The following YTHDF1 variants were observed in gnomAD, a reference collection of about 807,000 sequenced individuals.
The protein encoded by YTHDF1 is YTH domain-containing family protein 1.
In YTHDF1, 16 loss-of-function variants were observed where a neutral mutation model predicts 49.1. That is an observed-to-expected ratio of 0.33 (90% CI 0.22 to 0.49). The LOEUF is 0.49. Ranked by LOEUF, YTHDF1 falls within the 20% of genes least tolerant of loss-of-function variation. YTHDF1 has a pLI of 0.99. For missense variants in YTHDF1, 621 were observed against 744.3 expected, an observed-to-expected ratio of 0.83 and a Z score of 1.93; for synonymous variants, 313 against 290.1, an observed-to-expected ratio of 1.08 and a Z score of -0.80.
At chr20:63,199,237 C>T (rs1041599085) in intron 4 of YTHDF1, among the ~76,000 whole-genome samples, 2 of 152,168 alleles carry the variant, frequency 1.3e-5, no homozygotes, top group Admixed American at 6.5e-5. Context: ...TGCACTGACT[C>T]GGCCGGGCGC....
chr20:63,202,106 G>A (rs1238611075), intron 4 of YTHDF1, among the ~76,000 whole-genome samples, 181 bp downstream of exon 4: 5 of 152,346 alleles, frequency 3.3e-5, no homozygotes, highest in East Asian at 1.9e-4. Flanking sequence ...AGTACTCTCC[G>A]CAGGGAAAGC....
rs57357558 is a variant in YTHDF1 at position 63,211,960 on chromosome 20, TACACACACACACACACACACAC to T, written c.132+1882_132+1903del. 1.3e-4 allele frequency among the ~76,000 whole-genome samples: 19 copies of T among 143,812 alleles called. No homozygotes were observed. The South Asian group carries it at 1.6e-3, about 12-fold the overall frequency. 94.3% of individuals were successfully genotyped at this position (143,812 alleles called of 152,430 possible). A position where few individuals can be genotyped will look rare whatever the true frequency, so the allele number is the denominator to read the frequency against. On this transcript the variant is annotated intron_variant, in intron 3 of 4. Coordinates refer to ENST00000370339, the MANE Select transcript of YTHDF1 (RefSeq NM_017798.4). ...TAACAGCAGGACCCTGTCTCCAAAA[TACACACACACACACACACACAC>T]ACACACACACACACACACACACACA...
At chr20:63,201,842 G>A (rs1378742351) in intron 4 of YTHDF1, among the ~76,000 whole-genome samples, 1 of 152,248 alleles carries the variant, frequency 6.6e-6, no homozygotes, top group African/African-American at 2.4e-5. Flanking sequence ...CCTTGGCCAG[G>A]TGGGGTCTCG....
rs535512519 is a variant in YTHDF1 at position 63,213,095 on chromosome 20, G to A, written c.132+769C>T. 9.2e-5 allele frequency among the ~76,000 whole-genome samples: 14 copies of A among 152,328 alleles called. 1 individual carries two copies. In the South Asian group the frequency reaches 2.7e-3, roughly 29 times the overall value. The stretch of plus-strand genomic sequence containing the variant: ...TCTACAGAAAAGGAAATTGAGGCAA[G>A]AGAAGGCAAGCCATGGACACAGGCC... On this transcript the variant is annotated intron_variant, in intron 3 of 4. Coordinates refer to ENST00000370339, the MANE Select transcript of YTHDF1 (RefSeq NM_017798.4).
chr20:63,199,285 C>T (rs2066506856), intron 4 of YTHDF1, among the ~76,000 whole-genome samples: 1 of 152,050 alleles, frequency 6.6e-6, no homozygotes, highest in Non-Finnish European at 1.5e-5. Context: ...TTTGGGAGGC[C>T]AAAGCGGGCG....
chr20:63,205,023 G>A (rs539810872), intron 3 of YTHDF1, among the ~76,000 whole-genome samples: 20 of 152,032 alleles, frequency 1.3e-4, no homozygotes, highest in South Asian at 6.2e-4. Flanking sequence ...AAACAGAGCC[G>A]GAAGTAAAAC....
chr20:63,199,035 G>A (rs531736847), intron 4 of YTHDF1, among the ~76,000 whole-genome samples: 1 of 152,220 alleles, frequency 6.6e-6, no homozygotes, highest in Non-Finnish European at 1.5e-5. Context: ...CTTGCAAAAT[G>A]CTAACTCTAC....
chr20:63,209,761 A>C (rs1388436719), intron 3 of YTHDF1, among the ~76,000 whole-genome samples: 1 of 152,166 alleles, frequency 6.6e-6, no homozygotes, highest in Non-Finnish European at 1.5e-5. Context: ...CAAAAAACAC[A>C]TATTAGCCTA....
rs750077581 is a variant in YTHDF1, at chr20:63,213,924, A to C, written c.72T>G (p.His24Gln). ...QDNKVQNGSLHQKDTVHDNDF... is the reference protein window; with the variant it reads ...QDNKVQNGSLQQKDTVHDNDF... ...CATTGTCATGAACTGTATCCTTCTG[A>C]TGTAACGAACCATTTTGTACTAGAA... Residue 24 changes from histidine to glutamine, a missense_variant, in exon 3 of 5, where the codon CAT (histidine) becomes CAG (glutamine). Transcript: ENST00000370339. The C allele has an allele frequency of 1.3e-6, 2 of 1,562,488 alleles. No individual in the cohort carries two copies. Among genetic ancestry groups the C allele is most frequent in the Admixed American group, 4.5e-5 (2 of 44,436 alleles).
Position 63,216,079 on chromosome 20 carries a change from G to T in YTHDF1, c.-187C>A. ...CGAGGCGGCAGCGGCGGTGAGCCCG[G>T]GACGCGGACGCACTGAGGAGGCGTC... is the stretch of plus-strand genomic sequence containing the variant. On this transcript the variant is annotated 5_prime_UTR_variant, in exon 1 of 5. Coordinates refer to ENST00000370339, the MANE Select transcript of YTHDF1 (RefSeq NM_017798.4). 3.7e-6 allele frequency: 1 copy of T among 268,802 alleles called. No homozygotes were observed. The highest frequency in any genetic ancestry group is 5.7e-6 in the Non-Finnish European group (1 of 175,708). 16.7% of individuals were successfully genotyped at this position (268,802 alleles called of 1,614,324 possible). A position where few individuals can be genotyped will look rare whatever the true frequency, so the allele number is the denominator to read the frequency against.
At chr20:63,209,253 A>G (rs2066562569) in intron 3 of YTHDF1, among the ~76,000 whole-genome samples, 1 of 152,254 alleles carries the variant, frequency 6.6e-6, no homozygotes, top group Non-Finnish European at 1.5e-5. Context: ...CCGTCCACTT[A>G]ACACTACACT....
rs1285360694 is a variant in YTHDF1 at position 63,203,180 on chromosome 20, G to A, written c.760C>T (p.Pro254Ser). 1.2e-6 allele frequency: 2 copies of A among 1,613,852 alleles called. No individual in the cohort carries two copies. Among genetic ancestry groups the A allele is most frequent in the East Asian group, 2.2e-5 (1 of 44,884 alleles). ...PQPKMKTKSG[P>S]VMGGGLPPPP... ...GGGGGCAGCCCACCCCCCATGACAG[G>A]CCCGCTCTTTGTTTTCATTTTAGGC... is the stretch of plus-strand genomic sequence containing the variant. The change falls in exon 4 of 5, where the codon CCT becomes TCT. Residue 254 changes from proline (P) to serine (S), a missense_variant. Around this residue, in one of 2 missense-constraint regions of YTHDF1, gnomAD observed 470 missense variants for 495.8 expected, o/e 0.95. Coordinates refer to ENST00000370339, the MANE Select transcript of YTHDF1 (RefSeq NM_017798.4). The surrounding 1 kb of genome is among the most constrained non-coding windows in gnomAD (Gnocchi z 4.4).
chr20:63,208,085 C>T (rs1003932612), intron 3 of YTHDF1, among the ~76,000 whole-genome samples: 1 of 151,940 alleles, frequency 6.6e-6, no homozygotes, highest in Non-Finnish European at 1.5e-5. Context: ...AACTTCCATC[C>T]GAATGACCAG....
intron 3 of YTHDF1, among the ~76,000 whole-genome samples, chr20:63,207,643 G>A (rs890619709): frequency 6.6e-5 from 10 of 152,152 alleles, no homozygotes; most frequent in African/African-American, 2.2e-4. Context: ...GAAGACTGCT[G>A]AACACTTCCA....
At position 63,195,748 on chromosome 20, in the gene YTHDF1, A is replaced by G. The variant is rs754170365; in HGVS notation, c.*960T>C. ...GAGCTCAACGGTCCCTCATTCCACA[A>G]AACATGACAGCAAATTCATCTTCTA... On this transcript the variant is annotated 3_prime_UTR_variant, in exon 5 of 5. Transcript: ENST00000370339. 7 of 152,380 alleles carry G rather than the reference A, an allele frequency of 4.6e-5. No homozygotes were observed. Among genetic ancestry groups the G allele is most frequent in the Non-Finnish European group, 7.3e-5 (5 of 68,042 alleles). 9.4% of individuals were successfully genotyped at this position (152,380 alleles called of 1,614,324 possible). A position where few individuals can be genotyped will look rare whatever the true frequency, so the allele number is the denominator to read the frequency against.
intron 2 of YTHDF1, chr20:63,214,204 A>T (rs1601241573): frequency 1.3e-6 from 1 of 765,600 alleles, no homozygotes; most frequent in Non-Finnish European, 1.6e-6. Context: ...GTGTTAACAC[A>T]TAATGCAAGG....
Position 63,203,188 on chromosome 20 carries a change from T to C in YTHDF1, c.752A>G (p.Lys251Arg). The change falls in exon 4 of 5, where the codon AAG (lysine) becomes AGG (arginine). Residue 251 changes from lysine (K) to arginine (R), a missense_variant. Around this residue, in one of 2 missense-constraint regions of YTHDF1, gnomAD observed 470 missense variants for 495.8 expected, o/e 0.95. Coordinates refer to ENST00000370339, the MANE Select transcript of YTHDF1 (RefSeq NM_017798.4). This position sits in a 1 kb window ranked among gnomAD's most constrained non-coding sequence, Gnocchi z 4.4. Reference protein sequence around the residue: ...PAKPQPKMKTKSGPVMGGGLP... With the variant: ...PAKPQPKMKTRSGPVMGGGLP... ...CCCACCCCCCATGACAGGCCCGCTC[T>C]TTGTTTTCATTTTAGGCTGTGGTTT... The C allele has an allele frequency of 6.2e-7, 1 of 1,613,954 alleles. No homozygotes were observed. Among genetic ancestry groups the C allele is most frequent in the Non-Finnish European group, 8.5e-7 (1 of 1,180,038 alleles).
At position 63,195,454 on chromosome 20, in the gene YTHDF1, G is replaced by A. The variant is rs1394159085; in HGVS notation, c.*1254C>T. 1 of 152,634 alleles carries A rather than the reference G, an allele frequency of 6.6e-6. No individual in the cohort carries two copies. Among genetic ancestry groups the A allele is most frequent in the Non-Finnish European group, 1.5e-5 (1 of 68,044 alleles). 9.5% of individuals were successfully genotyped at this position (152,634 alleles called of 1,614,324 possible). ...TTTGCTAAATAGTATTGTTTATTAA[G>A]GCTTGTATTCTCCTAGAGGAAAAAC... On this transcript the variant is annotated 3_prime_UTR_variant, in exon 5 of 5. Transcript: ENST00000370339.
At chr20:63,211,187 G>C (rs1032833554) in intron 3 of YTHDF1, among the ~76,000 whole-genome samples, 1 of 152,202 alleles carries the variant, frequency 6.6e-6, no homozygotes, top group African/African-American at 2.4e-5. Context: ...GGTTAGGTTG[G>C]GCACTAGTGG....
Sources: allele counts gnomAD v4.1 joint callset (sites outside exome capture counted in the v4.1 genomes callset), GRCh38; gene constraint gnomAD v4.1.1; regional missense constraint gnomAD v4.1.1; non-coding constraint Gnocchi (gnomAD v3.1); transcripts MANE v1.5; gene names NCBI Gene and HGNC (gene_info 2026-07-23, HGNC 2026-07-21).